The following AVIL variants were observed in gnomAD, a reference collection of about 807,000 sequenced individuals.
The protein encoded by AVIL is advillin.
AVIL carries 78 observed loss-of-function variants against 109.9 expected under a neutral mutation model. The observed-to-expected ratio is 0.71, with a 90% CI of 0.59 to 0.86. AVIL has a LOEUF of 0.86. Ranked by LOEUF, AVIL falls within the 40% of genes least tolerant of loss-of-function variation. The pLI is 0.00. For missense variants in AVIL, 892 were observed against 1,016.5 expected (o/e 0.88, Z 1.67); for synonymous variants, 367 against 379.1 (o/e 0.97, Z 0.37).
intron 1 of AVIL, among the ~76,000 whole-genome samples, chr12:57,818,314 A>G (rs1439641712): frequency 6.7e-6 from 1 of 148,842 alleles, no homozygotes; most frequent in East Asian, 2.0e-4. Context: ...TGTTGGGATT[A>G]CAGGTGTAAG....
At position 57,802,016 on chromosome 12, in the gene AVIL, A is replaced by C. The variant is rs560416451; in HGVS notation, c.2151+144T>G. ...TGTGGCAGGTGAAAAAGAGGAGAAAAGTAAAAGGCAGGGAGTGGGATGGGA... is the reference window on the plus strand; with the variant it reads ...TGTGGCAGGTGAAAAAGAGGAGAAACGTAAAAGGCAGGGAGTGGGATGGGA... On this transcript the variant is annotated intron_variant, in intron 17 of 19. Transcript: ENST00000549994. The C allele has an allele frequency of 3.2e-6, 3 of 940,022 alleles. No individual in the cohort carries two copies. In the African/African-American group the frequency reaches 5.0e-5, roughly 16 times the overall value. 58.2% of individuals were successfully genotyped at this position (940,022 alleles called of 1,614,324 possible).
At chr12:57,801,065 G>T in intron 18 of AVIL, 79 bp downstream of exon 18, 1 of 1,210,618 alleles carries the variant, frequency 8.3e-7, no homozygotes, top group South Asian at 1.3e-5. Flanking sequence ...TTTTGCCTGT[G>T]AGCATCTGTA....
In AVIL at chr12:57,803,231, T is replaced by C. The variant is rs749040177; in HGVS notation, c.1962+16A>G. The C allele has an allele frequency of 5.6e-6, 9 of 1,613,974 alleles. No individual in the cohort carries two copies. The Admixed American group carries it at 1.5e-4, about 27-fold the overall frequency. Reference sequence around the variant, plus strand: ...GGAGTCTTTCTCATGTTCTGACTTCTGCAGCTGTGTCTTACCTGGTCCCAG... The same window carrying C: ...GGAGTCTTTCTCATGTTCTGACTTCCGCAGCTGTGTCTTACCTGGTCCCAG... On this transcript the variant is annotated intron_variant, in intron 16 of 19. Transcript: ENST00000549994.
rs1244675433 is a variant in AVIL at position 57,797,990 on chromosome 12, G to A, written c.2352C>T (p.Tyr784=). The A allele has an allele frequency of 1.2e-6, 2 of 1,603,540 alleles. No individual in the cohort carries two copies. The highest frequency in any genetic ancestry group is 2.2e-5 in the East Asian group (1 of 44,620). ...EDVNPAKKEN[Y]LSEQDFVSVF... ...CAGACACAAAGTCCTGTTCAGAGAG[G>A]TAATTCTAAGAGAGAAAACAAAGTT... Residue 784 remains tyrosine, a synonymous_variant, in exon 20 of 20, where the codon TAC becomes TAT. Transcript: ENST00000549994.
At chr12:57,818,355 ACTC>A (rs944638942) in intron 1 of AVIL, among the ~76,000 whole-genome samples, 1 of 150,998 alleles carries the variant, frequency 6.6e-6, no homozygotes, top group African/African-American at 2.4e-5. Flanking sequence ...GCTGGTTTTA[ACTC>A]CTCCTGCCTT....
intron 19 of AVIL, 36 bp downstream of exon 19, chr12:57,799,759 C>G (rs1955808473): frequency 6.2e-7 from 1 of 1,611,968 alleles, no homozygotes; most frequent in Admixed American, 1.7e-5. Context: ...ACGGAGAGCT[C>G]CACTTCCAAC....
chr12:57,811,850 C>G (rs1335366002), intron 4 of AVIL, among the ~76,000 whole-genome samples: 1 of 152,252 alleles, frequency 6.6e-6, no homozygotes, highest in African/African-American at 2.4e-5. Context: ...GTTGATGGAA[C>G]ATTATCATCA....
At chr12:57,809,480 C>A in intron 9 of AVIL, 117 bp downstream of exon 9, 1 of 1,190,410 alleles carries the variant, frequency 8.4e-7, no homozygotes, top group Admixed American at 2.1e-5. Context: ...CTTTGCAGTC[C>A]ATGTACGTAA....
At chr12:57,806,133 CTTTTTTTTT>C (rs372846869) in intron 14 of AVIL, 46 of 142,454 alleles carry the variant, frequency 3.2e-4, no homozygotes, top group Middle Eastern at 3.8e-3. Flanking sequence ...CCGTGCCCAG[CTTTTTTTTT>C]TTTTTTTTTT....
rs1955866266 is a variant in AVIL at position 57,802,334 on chromosome 12, A to T, written c.1977T>A (p.Ile659=). The T allele has an allele frequency of 3.7e-6, 6 of 1,611,968 alleles. No individual in the cohort carries two copies. Among genetic ancestry groups the T allele is most frequent in the Non-Finnish European group, 4.2e-6 (5 of 1,178,938 alleles). Residue 659 remains isoleucine (I), a synonymous_variant, in exon 17 of 20, where the codon ATT becomes ATA. Transcript: ENST00000549994. ...TCTCCGTGGCATTGGCCTCAGCCCC[A>T]ATCCACAAGAACACCTGTTAAGGTG... ...LDTWDQVFLW[I]GAEANATEKE...
chr12:57,812,851 G>T (rs952264811), intron 4 of AVIL, among the ~76,000 whole-genome samples: 1 of 152,150 alleles, frequency 6.6e-6, no homozygotes, highest in Non-Finnish European at 1.5e-5. Flanking sequence ...CACCTACGTT[G>T]CCTGCAGCTT....
rs202198298 is a variant in AVIL, at chr12:57,799,810, G to T, written c.2331C>A (p.Asn777Lys). The change falls in exon 19 of 20, where the codon AAC (asparagine) becomes AAA (lysine). Residue 777 changes from asparagine (N) to lysine (K), a missense_variant. Physicochemically the swap from Asn to Lys is moderately conservative, Grantham distance 94. Transcript: ENST00000549994. ...AGCCACTCACCTCCTTTTTGGCAGG[G>T]TTTACATCCTCAGGCAGCTCCTGAT... ...NQNQELPEDV[N>K]PAKKENYLSE... 1.3e-4 allele frequency: 209 copies of T among 1,614,026 alleles called. 7 individuals carry two copies. The highest frequency in any genetic ancestry group is 7.6e-4 in the East Asian group (34 of 44,890).
chr12:57,817,136 C>T (rs918972069), intron 1 of AVIL, among the ~76,000 whole-genome samples: 2 of 152,086 alleles, frequency 1.3e-5, no homozygotes, highest in Admixed American at 1.3e-4. Flanking sequence ...TCTCAAGGAG[C>T]TTGAAATCTG....
chr12:57,817,316 G>A, intron 1 of AVIL, among the ~76,000 whole-genome samples: 1 of 150,814 alleles, frequency 6.6e-6, no homozygotes, highest in African/African-American at 2.4e-5. Context: ...TCTGACCATT[G>A]TTTTCTTGAA....
Position 57,807,588 on chromosome 12 carries a change from A to G in AVIL, c.1332+2T>C, listed in dbSNP as rs1474012338. ...CAAAGCTGAAGCCTGTGCCAGGCCT[A>G]CCTGCCAGATGTACAAGATGTGATG... On this transcript the variant is annotated splice_donor_variant, in intron 12 of 19. Transcript: ENST00000549994. LOFTEE classifies it high-confidence loss of function. 1.2e-6 allele frequency: 2 copies of G among 1,614,230 alleles called. No individual in the cohort carries two copies. The highest frequency in any genetic ancestry group is 8.5e-7 in the Non-Finnish European group (1 of 1,180,038).
At chr12:57,807,763 G>A in intron 11 of AVIL, 36 bp from the exon 12 acceptor site, 1 of 1,613,712 alleles carries the variant, frequency 6.2e-7, no homozygotes, top group Non-Finnish European at 8.5e-7. Context: ...TCCAGAGATG[G>A]GGGTGCTGAG....
chr12:57,812,698 A>G (rs912881456), intron 4 of AVIL, among the ~76,000 whole-genome samples: 2 of 145,230 alleles, frequency 1.4e-5, no homozygotes, highest in Non-Finnish European at 3.1e-5. Flanking sequence ...GCATTCTGTT[A>G]TATGTCTTAG....
Position 57,816,043 on chromosome 12 carries a change from T to C in AVIL, c.-3A>G. On this transcript the variant is annotated 5_prime_UTR_variant, in exon 2 of 20. Transcript: ENST00000549994. Reference sequence around the variant, plus strand: ...CTGAAGGCACTGGTCAGAGGCATGATGCTTGTCTTTCCAGGACTGAAACAT... The same window carrying C: ...CTGAAGGCACTGGTCAGAGGCATGACGCTTGTCTTTCCAGGACTGAAACAT... The C allele has an allele frequency of 6.2e-7, 1 of 1,611,964 alleles. No homozygotes were observed. The highest frequency in any genetic ancestry group is 2.2e-5 in the East Asian group (1 of 44,878).
At position 57,809,710 on chromosome 12, in the gene AVIL, G is replaced by C. The variant is rs371358296; in HGVS notation, c.841-15C>G. Reference sequence around the variant, plus strand: ...ATGTAGCAGTCCTAAAGCAGCCAGAGATAGGTATGGTTGCTCAAGACCAGA... The same window carrying C: ...ATGTAGCAGTCCTAAAGCAGCCAGACATAGGTATGGTTGCTCAAGACCAGA... On this transcript the variant is annotated splice_polypyrimidine_tract_variant and intron_variant, in intron 8 of 19. Transcript: ENST00000549994. 11 of 1,613,860 alleles carry C rather than the reference G, an allele frequency of 6.8e-6. No homozygotes were observed. Among genetic ancestry groups the C allele is most frequent in the African/African-American group, 1.3e-5 (1 of 74,934 alleles).
Sources: allele counts gnomAD v4.1 joint callset (sites outside exome capture counted in the v4.1 genomes callset), GRCh38; gene constraint gnomAD v4.1.1; transcripts MANE v1.5; gene names NCBI Gene and HGNC (gene_info 2026-07-23, HGNC 2026-07-21).